NAA16: variants seen among roughly 807,000 people sequenced by gnomAD.
The protein encoded by NAA16 is N-alpha-acetyltransferase 16, NatA auxiliary subunit, also known as NARG1-like protein.
In NAA16, 97 loss-of-function variants were observed where a neutral mutation model predicts 110.3. The ratio of observed to expected loss-of-function variants is 0.88; its 90% CI spans 0.75 to 1.04. The LOEUF (loss-of-function observed/expected upper bound fraction) is 1.04. Among genes scored for constraint, NAA16 ranks in the 50% least tolerant of loss-of-function variants. The pLI is 0.00. For missense variants in NAA16, 1,017 were observed against 1,005.1 expected (o/e 1.01, Z -0.16); for synonymous variants, 372 against 330.6 (o/e 1.13, Z -1.36).
intron 16 of NAA16, 146 bp downstream of exon 16, chr13:41,372,457 G>A (rs1403241794): frequency 2.2e-6 from 3 of 1,345,398 alleles, no homozygotes; most frequent in African/African-American, 3.0e-5. Context: ...TCGAAACTTA[G>A]GTGGGTAATA....
intron 2 of NAA16, among the ~76,000 whole-genome samples, chr13:41,318,417 G>T (rs2139371397): frequency 6.6e-6 from 1 of 152,186 alleles, no homozygotes; most frequent in Non-Finnish European, 1.5e-5. Flanking sequence ...GGCCAGGCTG[G>T]TCTCGAACTC....
intron 15 of NAA16, among the ~76,000 whole-genome samples, chr13:41,370,831 A>G (rs1374898506): frequency 6.6e-6 from 1 of 152,192 alleles, no homozygotes; most frequent in African/African-American, 2.4e-5. Context: ...CTGGTACTCT[A>G]TGGAAAGGAT....
At position 41,369,127 on chromosome 13, in the gene NAA16, C is replaced by G. The variant is rs763103140; in HGVS notation, c.1791C>G (p.Ser597Arg). 2.6e-6 allele frequency: 4 copies of G among 1,565,384 alleles called. No individual in the cohort carries two copies. The highest frequency in any genetic ancestry group is 2.1e-5 in the Admixed American group (1 of 47,212). Reference sequence around the variant, plus strand: ...CCAAAGAATTGAAGAAAATGCTTAGCAAGCAGAGAAGAGCTCAGAAAAAGG... The same window carrying G: ...CCAAAGAATTGAAGAAAATGCTTAGGAAGCAGAGAAGAGCTCAGAAAAAGG... The part of the protein sequence containing the change: ...LSAKELKKML[S>R]KQRRAQKKAK... Residue 597 changes from serine to arginine, a missense_variant, in exon 15 of 20, where the codon AGC (serine) becomes AGG (arginine). Transcript: ENST00000379406.
rs1332475175 is a variant in NAA16 at position 41,318,924 on chromosome 13, G to A, written c.244+14G>A. Reference sequence around the variant, plus strand: ...AGAGTCATGTCTGTATCCTTTTGCAGTAGTTAAATAGTTTATGTTTTAGCT... The same window carrying A: ...AGAGTCATGTCTGTATCCTTTTGCAATAGTTAAATAGTTTATGTTTTAGCT... On this transcript the variant is annotated intron_variant, in intron 3 of 19. Coordinates refer to ENST00000379406, the MANE Select transcript of NAA16 (RefSeq NM_024561.5). 4 of 1,475,018 alleles carry A rather than the reference G, an allele frequency of 2.7e-6. No homozygotes were observed. In the African/African-American group the frequency reaches 4.3e-5, roughly 16 times the overall value. The allele number at this position is 1,475,018 out of a possible 1,614,324, so 91.4% of individuals were successfully genotyped here. A position where few individuals can be genotyped will look rare whatever the true frequency, so the allele number is the denominator to read the frequency against.
chr13:41,332,648 G>C (rs924373705), intron 8 of NAA16, among the ~76,000 whole-genome samples: 4 of 152,144 alleles, frequency 2.6e-5, no homozygotes, highest in Admixed American at 1.3e-4. Context: ...TTTGACACAA[G>C]TCAGAGTCTA....
At position 41,311,480 on chromosome 13, in the gene NAA16, C is replaced by T; in HGVS notation, c.-49C>T. ...TGCCCACCCCCGCGAAGCGGAGCGC[C>T]CGGGCACCTAGCCTCCCTGCCGGCC... On this transcript the variant is annotated 5_prime_UTR_variant, in exon 1 of 20. Transcript: ENST00000379406. 6.4e-7 allele frequency: 1 copy of T among 1,554,460 alleles called. No individual in the cohort carries two copies. Among genetic ancestry groups the T allele is most frequent in the Non-Finnish European group, 8.7e-7 (1 of 1,147,108 alleles).
intron 2 of NAA16, 128 bp downstream of exon 2, chr13:41,317,058 C>A (rs2041828666): frequency 9.3e-6 from 6 of 644,124 alleles, no homozygotes; most frequent in South Asian, 1.8e-5. Flanking sequence ...AAATGTTCAG[C>A]ATTTTTTTAA....
intron 8 of NAA16, among the ~76,000 whole-genome samples, chr13:41,334,166 G>T (rs1368669910): frequency 6.6e-6 from 1 of 152,120 alleles, no homozygotes; most frequent in African/African-American, 2.4e-5. Flanking sequence ...AAAGCAGTAA[G>T]ATCTTCCTCA....
intron 18 of NAA16, among the ~76,000 whole-genome samples, chr13:41,374,112 T>C (rs1267349710): frequency 4.6e-5 from 7 of 151,794 alleles, no homozygotes; most frequent in Non-Finnish European, 1.0e-4. Context: ...TTAATGTTGA[T>C]TTGGGGTGTG....
At chr13:41,350,412 G>T (rs2042798655) in intron 9 of NAA16, among the ~76,000 whole-genome samples, 2 of 151,428 alleles carry the variant, frequency 1.3e-5, no homozygotes, top group South Asian at 4.2e-4. Context: ...TCCTGCTTCA[G>T]CCTCCGGAGT....
In NAA16 at chr13:41,375,635, A is replaced by G; in HGVS notation, c.*33A>G. On this transcript the variant is annotated 3_prime_UTR_variant, in exon 20 of 20. Transcript: ENST00000379406. ...TAGAAAGTAGACTCCTATAGACTCA[A>G]AGCTGAATTGAGATCAGGGTTTCTT... is the stretch of plus-strand genomic sequence containing the variant. 6.7e-7 allele frequency: 1 copy of G among 1,496,884 alleles called. No homozygotes were observed. The highest frequency in any genetic ancestry group is 9.1e-7 in the Non-Finnish European group (1 of 1,097,690). 92.7% of individuals were successfully genotyped at this position (1,496,884 alleles called of 1,614,324 possible).
Position 41,372,296 on chromosome 13 carries a change from A to T in NAA16, c.2041A>T (p.Ile681Leu), listed in dbSNP as rs375807130. 3 of 1,593,642 alleles carry T rather than the reference A, an allele frequency of 1.9e-6. No individual in the cohort carries two copies. The highest frequency in any genetic ancestry group is 2.6e-6 in the Non-Finnish European group (3 of 1,171,518). Residue 681 changes from isoleucine (I) to leucine (L), a missense_variant, in exon 16 of 20, where the codon ATA (isoleucine) becomes TTA (leucine). Ile to Leu is a conservative substitution (Grantham distance 5). Coordinates refer to ENST00000379406, the MANE Select transcript of NAA16 (RefSeq NM_024561.5). Reference sequence around the variant, plus strand: ...TGACACTCATCTGTTAGCATTTGAAATATATTTTAGAAAAGGTAATAAATA... The same window carrying T: ...TGACACTCATCTGTTAGCATTTGAATTATATTTTAGAAAAGGTAATAAATA... ...NIDTHLLAFE[I>L]YFRKGKFLLM...
At position 41,362,048 on chromosome 13, in the gene NAA16, G is replaced by A. The variant is rs1301666107; in HGVS notation, c.1428G>A (p.Met476Ile). 6.2e-7 allele frequency: 1 copy of A among 1,610,784 alleles called. No individual in the cohort carries two copies. Among genetic ancestry groups the A allele is most frequent in the African/African-American group, 1.3e-5 (1 of 74,654 alleles). Reference protein sequence around the residue: ...SKFTREGTSAMENLNEMQCMW... With the variant: ...SKFTREGTSAIENLNEMQCMW... ...CATTTCAGGAAGGAACATCTGCCAT[G>A]GAAAATCTAAATGAAATGCAGTGTA... The change falls in exon 13 of 20, where the codon ATG becomes ATA. Residue 476 changes from methionine (M) to isoleucine (I), a missense_variant. Met to Ile is a conservative substitution (Grantham distance 10). Coordinates refer to ENST00000379406, the MANE Select transcript of NAA16 (RefSeq NM_024561.5).
chr13:41,318,571 T>C (rs9594522), intron 2 of NAA16, among the ~76,000 whole-genome samples: 4,423 of 152,226 alleles, frequency 0.029, 206 homozygotes, highest in African/African-American at 0.098. Flanking sequence ...GCAGAAACCA[T>C]TTTAGCAACT....
rs140419111 is a variant in NAA16, at chr13:41,320,155, A to G, written c.245-512A>G. Among the ~76,000 whole-genome samples the G allele has an allele frequency of 3.6e-3, 543 of 152,218 alleles. 1 individual carries two copies. The highest frequency in any genetic ancestry group is 0.012 in the African/African-American group (492 of 41,532). ...CTTTAATTTATAAGAAATACAACTT[A>G]TTTTTTGTGGCCTTTAATATAACTA... On this transcript the variant is annotated intron_variant, in intron 3 of 19. Coordinates refer to ENST00000379406, the MANE Select transcript of NAA16 (RefSeq NM_024561.5).
At chr13:41,339,306 A>G (rs2139437349) in intron 9 of NAA16, among the ~76,000 whole-genome samples, 1 of 151,982 alleles carries the variant, frequency 6.6e-6, no homozygotes, top group Middle Eastern at 3.4e-3. Flanking sequence ...CGCCCGGCTA[A>G]TTTTGTATTT....
At position 41,318,905 on chromosome 13, in the gene NAA16, A is replaced by G. The variant is rs1200237816; in HGVS notation, c.239A>G (p.His80Arg). The G allele has an allele frequency of 6.4e-7, 1 of 1,569,212 alleles. No homozygotes were observed. Among genetic ancestry groups the G allele is most frequent in the South Asian group, 1.2e-5 (1 of 84,330 alleles). ...RKGLRNDVKS[H>R]VCWHVYGLLQ... ...GGACTTCGTAATGATGTCAAGAGTC[A>G]TGTCTGTATCCTTTTGCAGTAGTTA... Residue 80 changes from histidine to arginine, a missense_variant, in exon 3 of 20, where the codon CAT becomes CGT. By Grantham distance (29) the His-to-Arg change is conservative. Transcript: ENST00000379406.
At chr13:41,357,943 T>C (rs1178851732) in intron 10 of NAA16, among the ~76,000 whole-genome samples, 3 of 152,200 alleles carry the variant, frequency 2.0e-5, no homozygotes, top group Non-Finnish European at 4.4e-5. Flanking sequence ...AATCTTGCAG[T>C]GGTAGTTAGG....
At chr13:41,330,133 T>A (rs9532790) in intron 7 of NAA16, among the ~76,000 whole-genome samples, 1 of 151,754 alleles carries the variant, frequency 6.6e-6, no homozygotes, top group Non-Finnish European at 1.5e-5. Context: ...AGTATAAGGG[T>A]CTTTAATATT....
Sources: gnomAD v4.1 joint callset for allele counts (sites outside exome capture counted in the v4.1 genomes callset) on GRCh38, gnomAD v4.1.1 for gene constraint, MANE v1.5 for transcripts, NCBI Gene and HGNC (gene_info 2026-07-23, HGNC 2026-07-21) for gene names.